GPBP1: variants seen among roughly 807,000 people sequenced by gnomAD.
The protein encoded by GPBP1 is GC-rich promoter binding protein 1, also known as vasculin.
A neutral mutation model predicts 56.5 loss-of-function variants in GPBP1; 13 were observed. The ratio of observed to expected loss-of-function variants is 0.23; its 90% CI spans 0.15 to 0.37. The LOEUF is 0.37. Ranked by LOEUF, GPBP1 falls within the 10% of genes least tolerant of loss-of-function variation. GPBP1 has a pLI of 1.00. For missense variants in GPBP1, 477 were observed against 572.3 expected (o/e 0.83, Z 1.70); for synonymous variants, 204 against 188.9 (o/e 1.08, Z -0.66).
At chr5:57,242,082 A>T (rs1253824665) in intron 6 of GPBP1, among the ~76,000 whole-genome samples, 2 of 152,192 alleles carry the variant, frequency 1.3e-5, no homozygotes, top group African/African-American at 4.8e-5. Context: ...GAGCAGGTTT[A>T]TGTCGATTAT....
At chr5:57,201,942 C>G (rs991518709) in intron 2 of GPBP1, among the ~76,000 whole-genome samples, 1 of 152,080 alleles carries the variant, frequency 6.6e-6, no homozygotes, top group African/African-American at 2.4e-5. Flanking sequence ...AGCTTAGGGG[C>G]AAATTACTTT....
chr5:57,219,639 G>C (rs972065480), intron 3 of GPBP1, among the ~76,000 whole-genome samples: 28 of 151,934 alleles, frequency 1.8e-4, no homozygotes, highest in Non-Finnish European at 3.1e-4. Context: ...ATTTTCCCCA[G>C]TCCTGCCTGG....
chr5:57,229,933 ATCGCATCGCGTC>A (rs1756368574), intron 3 of GPBP1, among the ~76,000 whole-genome samples: 1 of 104,684 alleles, frequency 9.6e-6, no homozygotes, highest in Admixed American at 1.1e-4. Context: ...ATCCCGTTGC[ATCGCATCGCGTC>A]CCGTCCCGTC....
chr5:57,251,574 T>C (rs1410656052), intron 10 of GPBP1, among the ~76,000 whole-genome samples: 1 of 149,944 alleles, frequency 6.7e-6, no homozygotes, highest in Non-Finnish European at 1.5e-5. Flanking sequence ...TGTTTCCACC[T>C]CTTTTTTTTT....
chr5:57,199,274 T>G (rs1166417056), intron 2 of GPBP1, among the ~76,000 whole-genome samples: 1 of 149,512 alleles, frequency 6.7e-6, no homozygotes, highest in Non-Finnish European at 1.5e-5. Context: ...GTTATTTAGT[T>G]TCTGACTATT....
intron 2 of GPBP1, among the ~76,000 whole-genome samples, chr5:57,180,431 C>T (rs551769762): frequency 6.6e-6 from 1 of 152,252 alleles, no homozygotes; most frequent in East Asian, 1.9e-4. Context: ...GATTATTTAA[C>T]TTTGTTTAAC....
At chr5:57,225,218 G>A (rs1452747192) in intron 3 of GPBP1, among the ~76,000 whole-genome samples, 1 of 152,096 alleles carries the variant, frequency 6.6e-6, no homozygotes, top group Non-Finnish European at 1.5e-5. Context: ...CAGCACTTTG[G>A]GAGGCCAAGG....
At chr5:57,214,019 C>A in intron 2 of GPBP1, 55 bp from the exon 3 acceptor site, 1 of 750,604 alleles carries the variant, frequency 1.3e-6, no homozygotes. Flanking sequence ...AATATAAAGG[C>A]GCTAATTTTT....
intron 10 of GPBP1, among the ~76,000 whole-genome samples, chr5:57,255,058 AT>A (rs1185069679): frequency 6.6e-6 from 1 of 152,138 alleles, no homozygotes; most frequent in East Asian, 1.9e-4. Flanking sequence ...ATATTTCAGA[AT>A]TTTTTTGATC....
In GPBP1 at chr5:57,234,279, T is replaced by C. The variant is rs998778610; in HGVS notation, c.412-1687T>C. 6.6e-5 allele frequency among the ~76,000 whole-genome samples: 10 copies of C among 152,298 alleles called. No individual in the cohort carries two copies. The South Asian group carries it at 2.1e-3, about 32-fold the overall frequency. ...AAAATACCTGATAGAATACTGGAAA[T>C]TTAGGATTTTGGAGGATAAACGCAT... On this transcript the variant is annotated intron_variant, in intron 5 of 11. Coordinates refer to ENST00000506184, the MANE Select transcript of GPBP1 (RefSeq NM_022913.4).
Position 57,235,876 on chromosome 5 carries a change from G to C in GPBP1, c.412-90G>C, listed in dbSNP as rs1206392832. ...CTGTAGCTAAGAGTTGGTCATATTT[G>C]ATTCATCAGTTACAACATGTATGAT... On this transcript the variant is annotated intron_variant, in intron 5 of 11. Coordinates refer to ENST00000506184, the MANE Select transcript of GPBP1 (RefSeq NM_022913.4). 6.3e-5 allele frequency: 57 copies of C among 910,488 alleles called. 1 individual carries two copies. Among genetic ancestry groups the C allele is most frequent in the Middle Eastern group, 2.7e-4 (1 of 3,668 alleles). 56.4% of individuals were successfully genotyped at this position (910,488 alleles called of 1,614,324 possible).
At chr5:57,199,088 C>T (rs774076955) in intron 2 of GPBP1, among the ~76,000 whole-genome samples, 2 of 152,068 alleles carry the variant, frequency 1.3e-5, no homozygotes, top group Admixed American at 6.6e-5. Flanking sequence ...TTTACAATGG[C>T]GGGGTACACT....
intron 8 of GPBP1, among the ~76,000 whole-genome samples, chr5:57,248,442 TTTTG>T (rs1210178593): frequency 3.9e-5 from 5 of 129,466 alleles, no homozygotes; most frequent in African/African-American, 1.1e-4. Flanking sequence ...TTTTTTTTTT[TTTTG>T]AGACGGAGTC....
chr5:57,176,640 C>A (rs559547438), intron 2 of GPBP1, among the ~76,000 whole-genome samples: 1 of 152,134 alleles, frequency 6.6e-6, no homozygotes, highest in Non-Finnish European at 1.5e-5. Flanking sequence ...CAAGTTTTTG[C>A]GCTTTTTAAG....
Position 57,261,162 on chromosome 5 carries a change from A to G in GPBP1, c.1161-18A>G. ...CAGGGTAAGCTTTACATTAAACTTA[A>G]TTTCCTCTCCTTTTCAGATTGTTAA... On this transcript the variant is annotated intron_variant, in intron 10 of 11. Transcript: ENST00000506184. 1 of 1,523,628 alleles carries G rather than the reference A, an allele frequency of 6.6e-7. No individual in the cohort carries two copies. Among genetic ancestry groups the G allele is most frequent in the Non-Finnish European group, 9.1e-7 (1 of 1,097,968 alleles). 94.4% of individuals were successfully genotyped at this position (1,523,628 alleles called of 1,614,324 possible).
At chr5:57,245,169 T>C (rs1741032939) in intron 6 of GPBP1, among the ~76,000 whole-genome samples, 1 of 152,258 alleles carries the variant, frequency 6.6e-6, no homozygotes, top group Non-Finnish European at 1.5e-5. Flanking sequence ...ATTGGGCTTT[T>C]TTTAGACCGT....
intron 2 of GPBP1, among the ~76,000 whole-genome samples, chr5:57,176,932 A>G (rs1185228472): frequency 6.6e-6 from 1 of 152,184 alleles, no homozygotes; most frequent in Non-Finnish European, 1.5e-5. Context: ...GGTTTAAGGC[A>G]TAGTTGTTCC....
At chr5:57,225,321 C>T (rs1164847407) in intron 3 of GPBP1, among the ~76,000 whole-genome samples, 2 of 146,408 alleles carry the variant, frequency 1.4e-5, no homozygotes, top group African/African-American at 2.4e-5. Context: ...GGTGAAACCC[C>T]GTCTCTACTA....
intron 10 of GPBP1, among the ~76,000 whole-genome samples, chr5:57,256,034 G>T (rs1212451624): frequency 1.3e-5 from 2 of 152,076 alleles, no homozygotes; most frequent in Non-Finnish European, 2.9e-5. Context: ...AGGCAGGTGG[G>T]TCACTTAGGC....
Sources: allele counts gnomAD v4.1 joint callset (sites outside exome capture counted in the v4.1 genomes callset), GRCh38; gene constraint gnomAD v4.1.1; transcripts MANE v1.5; gene names NCBI Gene and HGNC (gene_info 2026-07-23, HGNC 2026-07-21).